SLC30A8: variants seen among roughly 807,000 people sequenced by gnomAD.
The protein encoded by SLC30A8 is solute carrier family 30 member 8.
A neutral mutation model predicts 36.9 loss-of-function variants in SLC30A8; 27 were observed. That is an observed-to-expected ratio of 0.73 (90% CI 0.54 to 1.01). The LOEUF (loss-of-function observed/expected upper bound fraction) is 1.01. Among genes scored for constraint, SLC30A8 ranks in the 50% least tolerant of loss-of-function variants. The probability of loss-of-function intolerance (pLI) is 0.00; values close to 1 mark genes in which losing one functional copy is unlikely to be tolerated. For missense variants in SLC30A8, 439 were observed against 452.0 expected, an observed-to-expected ratio of 0.97 and a Z score of 0.26; for synonymous variants, 164 against 172.4, an observed-to-expected ratio of 0.95 and a Z score of 0.38.
intron 6 of SLC30A8, 136 bp downstream of exon 6, chr8:117,163,666 A>G (rs1822906671): frequency 3.1e-6 from 2 of 649,376 alleles, no homozygotes; most frequent in South Asian, 4.7e-5. Context: ...AATTTTTGTG[A>G]AAACAATCAT....
At chr8:117,046,717 G>T (rs1693966667) in intron 2 of SLC30A8, among the ~76,000 whole-genome samples, 2 of 152,136 alleles carry the variant, frequency 1.3e-5, no homozygotes, top group African/African-American at 4.8e-5. Flanking sequence ...CTTCTCTCAA[G>T]ATCTTTCTCT....
At chr8:117,149,524 G>A (rs916179327) in intron 2 of SLC30A8, among the ~76,000 whole-genome samples, 3 of 152,160 alleles carry the variant, frequency 2.0e-5, no homozygotes, top group Admixed American at 1.3e-4. Context: ...TGAAATAAAC[G>A]TGAGCTATAC....
chr8:117,045,462 G>A (rs1817521490), intron 2 of SLC30A8, among the ~76,000 whole-genome samples: 1 of 152,156 alleles, frequency 6.6e-6, no homozygotes, highest in Non-Finnish European at 1.5e-5. Flanking sequence ...TCTGGAAACT[G>A]AGAAATGACA....
At chr8:116,962,847 G>A (rs895006317) in intron 1 of SLC30A8, among the ~76,000 whole-genome samples, 3 of 151,912 alleles carry the variant, frequency 2.0e-5, no homozygotes, top group South Asian at 4.2e-4. Flanking sequence ...TGGGAGCAGC[G>A]TATGGTTATC....
rs955970368 is a variant in SLC30A8 at position 117,175,629 on chromosome 8, A to G, written c.*2948A>G. On this transcript the variant is annotated 3_prime_UTR_variant, in exon 8 of 8. Coordinates refer to ENST00000456015, the MANE Select transcript of SLC30A8 (RefSeq NM_173851.3). ...ATGTGTGAGAGTTTAATAAATTAGG[A>G]CACTTAAAAATGTTGGAGCAGTGCA... The G allele has an allele frequency of 6.6e-6, 1 of 152,136 alleles. No homozygotes were observed. Among genetic ancestry groups the G allele is most frequent in the African/African-American group, 2.4e-5 (1 of 41,442 alleles). 9.4% of individuals were successfully genotyped at this position (152,136 alleles called of 1,614,324 possible). A position where few individuals can be genotyped will look rare whatever the true frequency, so the allele number is the denominator to read the frequency against.
intron 2 of SLC30A8, among the ~76,000 whole-genome samples, chr8:117,042,074 T>A (rs1034777801): frequency 6.6e-6 from 1 of 152,218 alleles, no homozygotes; most frequent in African/African-American, 2.4e-5. Flanking sequence ...TTAAAGCCAG[T>A]ACATTTTATC....
chr8:116,989,422 G>T (rs904272074), intron 1 of SLC30A8, among the ~76,000 whole-genome samples: 1 of 152,026 alleles, frequency 6.6e-6, no homozygotes, highest in Admixed American at 6.6e-5. Flanking sequence ...TTGACCATAA[G>T]TTCACCAAAT....
At chr8:117,094,543 G>GT (rs1388760681) in intron 2 of SLC30A8, among the ~76,000 whole-genome samples, 2 of 152,200 alleles carry the variant, frequency 1.3e-5, no homozygotes, top group Non-Finnish European at 2.9e-5. Context: ...CTTTGCAGCT[G>GT]TTTGAGTCTG....
At chr8:117,094,373 C>A (rs1453862617) in intron 2 of SLC30A8, among the ~76,000 whole-genome samples, 3 of 152,110 alleles carry the variant, frequency 2.0e-5, no homozygotes, top group Non-Finnish European at 4.4e-5. Flanking sequence ...CAGAGGAGAC[C>A]CGCAGTGGGT....
chr8:117,048,118 A>G (rs1817607527), intron 2 of SLC30A8, among the ~76,000 whole-genome samples: 2 of 152,144 alleles, frequency 1.3e-5, no homozygotes, highest in Non-Finnish European at 1.5e-5. Context: ...ATTTGGTTTC[A>G]CTTTACTCTA....
intron 6 of SLC30A8, among the ~76,000 whole-genome samples, chr8:117,169,636 C>G (rs1390094175): frequency 6.6e-6 from 1 of 152,106 alleles, no homozygotes; most frequent in Non-Finnish European, 1.5e-5. Flanking sequence ...GCTCATGGTT[C>G]TGCAGGCTGT....
At chr8:117,161,952 T>A in intron 5 of SLC30A8, 64 bp downstream of exon 5, 1 of 1,423,858 alleles carries the variant, frequency 7.0e-7, no homozygotes, top group South Asian at 1.4e-5. Flanking sequence ...AAGCTGACCC[T>A]CCAACATTAA....
intron 1 of SLC30A8, among the ~76,000 whole-genome samples, chr8:116,997,201 T>C (rs1021203866): frequency 2.0e-5 from 3 of 152,170 alleles, no homozygotes; most frequent in African/African-American, 7.2e-5. Context: ...TGAAGCATGA[T>C]CATCTAGGGG....
At chr8:117,149,829 G>A (rs568160226) in intron 2 of SLC30A8, among the ~76,000 whole-genome samples, 56 of 152,086 alleles carry the variant, frequency 3.7e-4, no homozygotes, top group Non-Finnish European at 5.6e-4. Flanking sequence ...TTTTCAGCCC[G>A]CTTATTTCAG....
chr8:117,064,568 A>G (rs533798301), intron 2 of SLC30A8, among the ~76,000 whole-genome samples: 105 of 152,350 alleles, frequency 6.9e-4, no homozygotes, highest in African/African-American at 2.5e-3. Context: ...GGCAAGTTCA[A>G]TAGGAGTGAT....
chr8:117,176,137 A>G lies in SLC30A8; in HGVS notation c.*3456A>G, dbSNP rs1408687102. ...GTGCATTTCTTTCTCTGGTTTCTAAATTGCCAGTGGCAAATTTGGATCACT... is the reference window on the plus strand; with the variant it reads ...GTGCATTTCTTTCTCTGGTTTCTAAGTTGCCAGTGGCAAATTTGGATCACT... On this transcript the variant is annotated 3_prime_UTR_variant, in exon 8 of 8. Transcript: ENST00000456015. 3.3e-5 allele frequency: 5 copies of G among 152,060 alleles called. No homozygotes were observed. Among genetic ancestry groups the G allele is most frequent in the Admixed American group, 6.6e-5 (1 of 15,228 alleles). 9.4% of individuals were successfully genotyped at this position (152,060 alleles called of 1,614,324 possible). A position where few individuals can be genotyped will look rare whatever the true frequency, so the allele number is the denominator to read the frequency against.
intron 1 of SLC30A8, among the ~76,000 whole-genome samples, chr8:117,002,413 G>GACAACCTGTATTCCAGATCTA (rs1468662178): frequency 1.3e-5 from 2 of 152,108 alleles, no homozygotes; most frequent in Non-Finnish European, 2.9e-5. Context: ...AAATAGAACT[G>GACAACCTGTATTCCAGATCTA]ACAACCTGTA....
chr8:116,970,000 A>T (rs1309773027), intron 1 of SLC30A8, among the ~76,000 whole-genome samples: 2 of 151,944 alleles, frequency 1.3e-5, no homozygotes, highest in Non-Finnish European at 2.9e-5. Flanking sequence ...TTACTTTAAC[A>T]TTTTTACTTT....
At chr8:117,133,564 T>G (rs539879946), upstream of SLC30A8, among the ~76,000 whole-genome samples, 34 of 152,122 alleles carry the variant, frequency 2.2e-4, no homozygotes, top group African/African-American at 8.2e-4. Context: ...CTCTTTTTTT[T>G]GTACTCACCC....
Sources: allele counts gnomAD v4.1 joint callset (sites outside exome capture counted in the v4.1 genomes callset), GRCh38; gene constraint gnomAD v4.1.1; transcripts MANE v1.5; gene names NCBI Gene and HGNC (gene_info 2026-07-23, HGNC 2026-07-21).